The following ESCO2 variants were observed in gnomAD, a reference collection of about 807,000 sequenced individuals.
ESCO2 encodes the protein establishment of sister chromatid cohesion N-acetyltransferase 2.
ESCO2 carries 51 observed loss-of-function variants against 61.7 expected under a neutral mutation model. That is an observed-to-expected ratio of 0.83 (90% CI 0.66 to 1.04). The LOEUF (loss-of-function observed/expected upper bound fraction) is 1.04. ESCO2 is among the 50% of genes least tolerant of loss of function. ESCO2 has a pLI of 0.00. For missense variants in ESCO2, 692 were observed against 686.2 expected, an observed-to-expected ratio of 1.01 and a Z score of -0.09; for synonymous variants, 230 against 238.2, an observed-to-expected ratio of 0.97 and a Z score of 0.32.
Position 27,788,840 on chromosome 8 carries a change from A to G in ESCO2, c.1132-7A>G, listed in dbSNP as rs80359862. 118 of 1,613,880 alleles carry G rather than the reference A, an allele frequency of 7.3e-5. No homozygotes were observed. The highest frequency in any genetic ancestry group is 9.6e-5 in the Non-Finnish European group (113 of 1,179,966). ...AATGGGTTTCTTTTTTTACCCCCCAATTATAGGACGCTGGTCAGAAACATT... is the reference window on the plus strand; with the variant it reads ...AATGGGTTTCTTTTTTTACCCCCCAGTTATAGGACGCTGGTCAGAAACATT... On this transcript the variant is annotated splice_region_variant and splice_polypyrimidine_tract_variant and intron_variant, in intron 6 of 10. Transcript: ENST00000305188.
intron 4 of ESCO2, among the ~76,000 whole-genome samples, chr8:27,781,965 T>G (rs1442802701): frequency 1.3e-5 from 2 of 152,234 alleles, no homozygotes; most frequent in African/African-American, 4.8e-5. Context: ...TCTGTCCCAG[T>G]ATCCATTCCA....
At chr8:27,810,492 A>G (rs763920061), downstream of ESCO2, 1 of 1,598,348 alleles carries the variant, frequency 6.3e-7, no homozygotes, top group Admixed American at 1.7e-5. Context: ...ACTTTCATCA[A>G]AAGTTTTATC....
intron 4 of ESCO2, among the ~76,000 whole-genome samples, chr8:27,780,789 G>C (rs1344527889): frequency 6.6e-6 from 1 of 152,096 alleles, no homozygotes; most frequent in Non-Finnish European, 1.5e-5. Context: ...TGTCAATTCT[G>C]AAATCCTATT....
rs1022639940 is a variant in ESCO2, at chr8:27,803,978, C to T, written c.*540C>T. ...CTGGTCTGAAACTTTTGGGCTCAAG[C>T]GATCCTCCCAAAACGCTGGGATTAC... On this transcript the variant is annotated 3_prime_UTR_variant, in exon 11 of 11. Coordinates refer to ENST00000305188, the MANE Select transcript of ESCO2 (RefSeq NM_001017420.3). The T allele has an allele frequency of 1.2e-5, 12 of 985,992 alleles. No individual in the cohort carries two copies. Among genetic ancestry groups the T allele is most frequent in the African/African-American group, 3.5e-5 (2 of 57,034 alleles). 61.1% of individuals were successfully genotyped at this position (985,992 alleles called of 1,614,324 possible).
At chr8:27,773,076 A>G (rs1224346960), upstream of ESCO2, among the ~76,000 whole-genome samples, 3 of 152,150 alleles carry the variant, frequency 2.0e-5, no homozygotes, top group Non-Finnish European at 4.4e-5. Context: ...CTCCTACAGC[A>G]CTTGGCTTTG....
intron 10 of ESCO2, 79 bp downstream of exon 10, chr8:27,799,795 G>A: frequency 6.6e-7 from 1 of 1,513,802 alleles, no homozygotes; most frequent in Non-Finnish European, 9.2e-7. Context: ...GAGCTAAAGG[G>A]AAGGATATTG....
downstream of ESCO2, chr8:27,810,530 A>C (rs187308862): frequency 5.7e-6 from 8 of 1,391,530 alleles, no homozygotes; most frequent in Admixed American, 1.3e-4. Flanking sequence ...TGAAACAATA[A>C]ACAAAATCAC....
intron 4 of ESCO2, 45 bp from the exon 5 acceptor site, chr8:27,783,955 G>A (rs377569188): frequency 5.0e-5 from 75 of 1,488,948 alleles, no homozygotes; most frequent in Non-Finnish European, 6.5e-5. Context: ...TTAAAGCTTT[G>A]ATTTTATTTG....
chr8:27,794,376 A>G (rs1805248487), intron 9 of ESCO2, among the ~76,000 whole-genome samples: 1 of 152,088 alleles, frequency 6.6e-6, no homozygotes, highest in African/African-American at 2.4e-5. Context: ...GCATTTTTTC[A>G]TATGTCTGTT....
downstream of ESCO2, among the ~76,000 whole-genome samples, chr8:27,808,684 CAA>C (rs34162059): frequency 0.3 from 31,532 of 106,708 alleles, 4,027 homozygotes; most frequent in Middle Eastern, 0.38. Flanking sequence ...GACCCTGTCT[CAA>C]AAAAAAAAAA....
rs1208917809 is a variant in ESCO2 at position 27,777,301 on chromosome 8, G to A, written c.861+132G>A. On this transcript the variant is annotated intron_variant, in intron 3 of 10. Coordinates refer to ENST00000305188, the MANE Select transcript of ESCO2 (RefSeq NM_001017420.3). ...TAGCATAGTGTTTAGTTACTGTAAG[G>A]AGTTTATTTATTTATTTATTTTAAG... 4 of 838,306 alleles carry A rather than the reference G, an allele frequency of 4.8e-6. No individual in the cohort carries two copies. In the African/African-American group the frequency reaches 6.9e-5, roughly 15 times the overall value. 51.9% of individuals were successfully genotyped at this position (838,306 alleles called of 1,614,324 possible).
At chr8:27,777,423 C>G in intron 3 of ESCO2, 1 of 280,502 alleles carries the variant, frequency 3.6e-6, no homozygotes, top group Non-Finnish European at 6.7e-6. Flanking sequence ...CTCAGCCTCC[C>G]AAGTAGCTGG....
upstream of ESCO2, chr8:27,772,427 G>T (rs1475315169): frequency 7.3e-7 from 1 of 1,366,704 alleles, no homozygotes; most frequent in Non-Finnish European, 1.0e-6. Flanking sequence ...ATTTTAGAGC[G>T]AGGGTCAGGC....
intron 1 of ESCO2, chr8:27,774,867 C>T (rs1804750560): frequency 6.6e-6 from 1 of 152,642 alleles, no homozygotes; most frequent in South Asian, 2.1e-4. Flanking sequence ...GGTTCAGGGT[C>T]GGGACGCTTT....
chr8:27,810,277 G>A (rs754770637), downstream of ESCO2: 92 of 1,485,584 alleles, frequency 6.2e-5, 1 homozygote, highest in South Asian at 1.2e-4. Flanking sequence ...AGTTATTTAC[G>A]CAAGCCACAC....
At chr8:27,784,104 G>T in intron 5 of ESCO2, 47 bp downstream of exon 5, 1 of 1,560,892 alleles carries the variant, frequency 6.4e-7, no homozygotes, top group Non-Finnish European at 8.8e-7. Context: ...AAATTATACA[G>T]TTCCTCTGGG....
intron 4 of ESCO2, among the ~76,000 whole-genome samples, chr8:27,782,733 T>C (rs1005805212): frequency 6.7e-6 from 1 of 150,274 alleles, no homozygotes; most frequent in African/African-American, 2.4e-5. Context: ...AAATAATATA[T>C]TTTTTAGGAT....
chr8:27,776,614 AAAAG>A lies in ESCO2; in HGVS notation c.308_311del (p.Lys103ArgfsTer7), dbSNP rs1183456690. 1 of 1,614,140 alleles carries A rather than the reference AAAAG, an allele frequency of 6.2e-7. No individual in the cohort carries two copies. The highest frequency in any genetic ancestry group is 2.2e-5 in the East Asian group (1 of 44,870). The stretch of plus-strand genomic sequence containing the variant: ...TCAATCCACTGGAGAGAAAGCTGAT[AAAAG>A]AGAGTAGATCTACTTGTCTAAAAAC... On this transcript the variant is annotated frameshift_variant, in exon 3 of 11. Coordinates refer to ENST00000305188, the MANE Select transcript of ESCO2 (RefSeq NM_001017420.3). LOFTEE classifies it high-confidence loss of function.
At chr8:27,772,614 C>T (rs17478478), upstream of ESCO2, 3 of 1,468,610 alleles carry the variant, frequency 2.0e-6, no homozygotes, top group Non-Finnish European at 2.8e-6. Flanking sequence ...ATACCAGACT[C>T]GCGGCGGCCG....
Sources: gnomAD v4.1 joint callset for allele counts (sites outside exome capture counted in the v4.1 genomes callset) on GRCh38, gnomAD v4.1.1 for gene constraint, MANE v1.5 for transcripts, NCBI Gene and HGNC (gene_info 2026-07-23, HGNC 2026-07-21) for gene names.